Variants in RTN1 observed in about 807,000 individuals in gnomAD.
RTN1 encodes reticulon 1.
Under a neutral mutation model 65.5 loss-of-function variants are expected in RTN1, and 25 were observed. That is an observed-to-expected ratio of 0.38 (90% CI 0.28 to 0.53). The LOEUF is 0.53. Among genes scored for constraint, RTN1 ranks in the 20% least tolerant of loss-of-function variants. The pLI is 0.79. For synonymous variants in RTN1, 471 were observed against 447.6 expected (o/e 1.05, Z -0.66); for missense variants, 983 against 1,025.4 (o/e 0.96, Z 0.57).
rs113043801 is a variant in RTN1 at position 59,628,634 on chromosome 14, A to G, written c.1766-21142T>C. ...GACCAAAGGTCGCTGAGTATAAAAG[A>G]TTCTCAATGATCTTCAATTAATCTT... On this transcript the variant is annotated intron_variant, in intron 3 of 8. Transcript: ENST00000267484. 5.4e-3 allele frequency among the ~76,000 whole-genome samples: 824 copies of G among 152,340 alleles called. 8 individuals are homozygous for G. The highest frequency in any genetic ancestry group is 0.017 in the African/African-American group (707 of 41,590).
At chr14:59,722,700 T>C (rs1884670908) in intron 3 of RTN1, among the ~76,000 whole-genome samples, 1 of 151,932 alleles carries the variant, frequency 6.6e-6, no homozygotes, top group Non-Finnish European at 1.5e-5. Context: ...AAAGAAATTC[T>C]TGAAGAACAA....
At chr14:59,722,536 C>T (rs1041725220) in intron 3 of RTN1, among the ~76,000 whole-genome samples, 3 of 151,856 alleles carry the variant, frequency 2.0e-5, no homozygotes, top group South Asian at 2.1e-4. Context: ...AACATCAGTA[C>T]GATAAGGGAG....
At chr14:59,636,378 G>T (rs10142978) in intron 3 of RTN1, among the ~76,000 whole-genome samples, 1 of 151,938 alleles carries the variant, frequency 6.6e-6, no homozygotes, top group Non-Finnish European at 1.5e-5. Flanking sequence ...CTCCACTCTC[G>T]CCATGTGATG....
intron 1 of RTN1, among the ~76,000 whole-genome samples, chr14:59,827,479 T>C (rs962297552): frequency 1.3e-5 from 2 of 152,158 alleles, no homozygotes; most frequent in African/African-American, 4.8e-5. Context: ...GGGCAGATCA[T>C]TTTATTTTGC....
At chr14:59,695,573 A>G (rs149402500) in intron 3 of RTN1, among the ~76,000 whole-genome samples, 51 of 152,318 alleles carry the variant, frequency 3.3e-4, no homozygotes, top group African/African-American at 1.1e-3. Context: ...AAAAGACTTC[A>G]GCAGAACCAA....
chr14:59,705,276 T>C (rs1566691697), intron 3 of RTN1, among the ~76,000 whole-genome samples: 1 of 152,194 alleles, frequency 6.6e-6, no homozygotes, highest in Non-Finnish European at 1.5e-5. Context: ...AGCTACATTA[T>C]GATCAGCCTC....
rs1351568147 is a variant in RTN1, at chr14:59,595,989, T to G, written c.*756A>C. Reference sequence around the variant, plus strand: ...GAAGAGAGGGAGAACATTCTACATTTAGTAACATTTATTTATGCATTCAGT... The same window carrying G: ...GAAGAGAGGGAGAACATTCTACATTGAGTAACATTTATTTATGCATTCAGT... On this transcript the variant is annotated 3_prime_UTR_variant, in exon 9 of 9. Coordinates refer to ENST00000267484, the MANE Select transcript of RTN1 (RefSeq NM_021136.3). 1 of 152,656 alleles carries G rather than the reference T, an allele frequency of 6.6e-6. No individual in the cohort carries two copies. The highest frequency in any genetic ancestry group is 1.5e-5 in the Non-Finnish European group (1 of 68,042). 9.5% of individuals were successfully genotyped at this position (152,656 alleles called of 1,614,324 possible).
At chr14:59,729,950 G>T (rs1156530602) in intron 2 of RTN1, among the ~76,000 whole-genome samples, 2 of 152,220 alleles carry the variant, frequency 1.3e-5, no homozygotes, top group Non-Finnish European at 2.9e-5. Context: ...TGAAGTTCCA[G>T]CTCTTAGCAG....
chr14:59,727,496 G>A lies in RTN1; in HGVS notation c.1188C>T (p.Pro396=). The change falls in exon 3 of 9, where the codon CCC becomes CCT. Residue 396 remains proline (P), a synonymous_variant. Transcript: ENST00000267484. This position sits in a 1 kb window ranked among gnomAD's most constrained non-coding sequence, Gnocchi z 4.2. ...TGCTGGCCTCGTGGTCCAGGGGGCT[G>A]GGGATGGTTGGCGGTCCGGACCTGG... ...VKARSGPPTI[P]SPLDHEASSA... 6.3e-7 allele frequency: 1 copy of A among 1,592,308 alleles called. No individual in the cohort carries two copies. Among genetic ancestry groups the A allele is most frequent in the Non-Finnish European group, 8.5e-7 (1 of 1,170,002 alleles).
chr14:59,699,936 C>G (rs752549594), intron 3 of RTN1, among the ~76,000 whole-genome samples: 4 of 152,096 alleles, frequency 2.6e-5, no homozygotes, highest in Non-Finnish European at 4.4e-5. Context: ...AAATTATGTT[C>G]TAGACCAGAG....
At chr14:59,778,577 C>T (rs1443766788) in intron 1 of RTN1, among the ~76,000 whole-genome samples, 1 of 152,122 alleles carries the variant, frequency 6.6e-6, no homozygotes, top group Non-Finnish European at 1.5e-5. Flanking sequence ...CTTTCAGGGC[C>T]TCTTAGTCTA....
At chr14:59,838,520 T>C (rs1887253915) in intron 1 of RTN1, among the ~76,000 whole-genome samples, 1 of 152,196 alleles carries the variant, frequency 6.6e-6, no homozygotes, top group Admixed American at 6.5e-5. Context: ...GATGGAATAC[T>C]AGGCAGACTT....
chr14:59,750,347 T>TATATAATATATAATATCTATAATATATA (rs1421773524), intron 1 of RTN1, among the ~76,000 whole-genome samples: 2 of 3,926 alleles, frequency 5.1e-4, no homozygotes, highest in Admixed American at 6.8e-3. Flanking sequence ...ATATCTATAA[T>TATATAATATATAATATCTATAATATATA]ATATATTATA....
chr14:59,786,509 T>C (rs997988826), intron 1 of RTN1, among the ~76,000 whole-genome samples: 4 of 152,196 alleles, frequency 2.6e-5, no homozygotes, highest in African/African-American at 9.7e-5. Flanking sequence ...CCAGTACATA[T>C]TAGTATTATT....
intron 1 of RTN1, among the ~76,000 whole-genome samples, chr14:59,796,499 G>A (rs1278250063): frequency 6.6e-6 from 1 of 152,146 alleles, no homozygotes; most frequent in Non-Finnish European, 1.5e-5. Context: ...TTCTTTGCAA[G>A]AATATAGGAC....
intron 1 of RTN1, among the ~76,000 whole-genome samples, chr14:59,807,977 T>C (rs1886666119): frequency 6.6e-6 from 1 of 152,380 alleles, no homozygotes; most frequent in Non-Finnish European, 1.5e-5. Flanking sequence ...TCTAAATTTA[T>C]TAAGCCAAGC....
Position 59,756,832 on chromosome 14 carries a change from C to CT in RTN1, c.242-10352dup, listed in dbSNP as rs199966170. On this transcript the variant is annotated intron_variant, in intron 1 of 8. Coordinates refer to ENST00000267484, the MANE Select transcript of RTN1 (RefSeq NM_021136.3). ...CACCCCCGACACAGTCTCCATAATT[C>CT]TTTTTTTTGTTTTTTTTTTTTTGTC... Among the ~76,000 whole-genome samples, 559 of 110,230 alleles carry CT rather than the reference C, an allele frequency of 5.1e-3. 6 individuals are homozygous for CT. The highest frequency in any genetic ancestry group is 0.023 in the African/African-American group (534 of 22,904). 72.3% of individuals were successfully genotyped at this position (110,230 alleles called of 152,430 possible). A position where few individuals can be genotyped will look rare whatever the true frequency, so the allele number is the denominator to read the frequency against.
chr14:59,630,647 G>T, intron 3 of RTN1: 1 of 1,313,468 alleles, frequency 7.6e-7, no homozygotes, highest in Non-Finnish European at 9.7e-7. Flanking sequence ...GCGGCGCGCG[G>T]TGAGGGGCGG....
chr14:59,704,364 T>C (rs913845226), intron 3 of RTN1, among the ~76,000 whole-genome samples: 2 of 152,210 alleles, frequency 1.3e-5, no homozygotes, highest in African/African-American at 4.8e-5. Flanking sequence ...TATTGAACGA[T>C]GTTCCCCCTT....
Sources: allele counts gnomAD v4.1 joint callset (sites outside exome capture counted in the v4.1 genomes callset), GRCh38; gene constraint gnomAD v4.1.1; non-coding constraint Gnocchi (gnomAD v3.1); transcripts MANE v1.5; gene names NCBI Gene and HGNC (gene_info 2026-07-23, HGNC 2026-07-21).